The following NRXN3 variants were observed in gnomAD, a reference collection of about 807,000 sequenced individuals.
NRXN3 encodes neurexin 3.
Under a neutral mutation model 137.6 loss-of-function variants are expected in NRXN3, and 32 were observed. The observed-to-expected ratio is 0.23, with a 90% CI of 0.18 to 0.31. NRXN3 has a LOEUF of 0.31. Ranked by LOEUF, NRXN3 falls within the 10% of genes least tolerant of loss-of-function variation. The pLI, the probability that NRXN3 is intolerant of heterozygous loss-of-function variation, is 1.00. For missense variants in NRXN3, 1,574 were observed against 2,062.5 expected (o/e 0.76, Z 4.59); for synonymous variants, 798 against 784.5 (o/e 1.02, Z -0.29).
At chr14:79,735,854 CT>C (rs1028223108) in intron 19 of NRXN3, among the ~76,000 whole-genome samples, 1 of 152,186 alleles carries the variant, frequency 6.6e-6, no homozygotes, top group African/African-American at 2.4e-5. Context: ...CCAGTTCAAG[CT>C]TCCTTCCAAA....
chr14:79,560,701 G>A (rs1484022991), intron 16 of NRXN3, among the ~76,000 whole-genome samples: 1 of 151,494 alleles, frequency 6.6e-6, no homozygotes, highest in Non-Finnish European at 1.5e-5. Flanking sequence ...ACCAGGCCTG[G>A]CTAATTTTTT....
At chr14:79,308,432 G>A (rs905676928) in intron 15 of NRXN3, among the ~76,000 whole-genome samples, 1 of 152,110 alleles carries the variant, frequency 6.6e-6, no homozygotes. Context: ...AGGTCTTAGA[G>A]AGTTAGACTG....
At chr14:78,782,300 T>C (rs981614461) in intron 8 of NRXN3, among the ~76,000 whole-genome samples, 10 of 152,234 alleles carry the variant, frequency 6.6e-5, no homozygotes, top group Non-Finnish European at 1.3e-4. Context: ...ACATTTACCT[T>C]TCATTAAAGA....
At chr14:78,794,899 AC>A (rs1292261026) in intron 8 of NRXN3, among the ~76,000 whole-genome samples, 1 of 149,244 alleles carries the variant, frequency 6.7e-6, no homozygotes, top group African/African-American at 2.5e-5. Context: ...ACATGGCAAA[AC>A]CCTGTCTTTA....
At chr14:78,344,362 A>G (rs1042117938) in intron 4 of NRXN3, among the ~76,000 whole-genome samples, 3 of 152,210 alleles carry the variant, frequency 2.0e-5, no homozygotes, top group Admixed American at 6.5e-5. Flanking sequence ...GTCAGCATTT[A>G]CCTCCAGCAA....
chr14:78,933,674 G>A (rs559377981), intron 10 of NRXN3, among the ~76,000 whole-genome samples: 11 of 152,174 alleles, frequency 7.2e-5, no homozygotes, highest in African/African-American at 1.9e-4. Flanking sequence ...TAACCATTTT[G>A]TTATTGACAC....
chr14:78,413,829 G>A (rs188897233), intron 4 of NRXN3, among the ~76,000 whole-genome samples: 9 of 152,276 alleles, frequency 5.9e-5, no homozygotes, highest in African/African-American at 1.2e-4. Context: ...ATCTGATACG[G>A]CTTAGCTCTG....
At chr14:78,263,685 A>G (rs946440585) in intron 2 of NRXN3, among the ~76,000 whole-genome samples, 2 of 152,284 alleles carry the variant, frequency 1.3e-5, no homozygotes, top group Middle Eastern at 3.4e-3. Flanking sequence ...TCGTGTGCCT[A>G]TCAAATTTTA....
At chr14:79,439,526 C>T (rs1395436471) in intron 15 of NRXN3, among the ~76,000 whole-genome samples, 2 of 152,132 alleles carry the variant, frequency 1.3e-5, no homozygotes, top group African/African-American at 4.8e-5. Flanking sequence ...GTATTATTTT[C>T]AGAAAATCAA....
chr14:78,325,740 G>C (rs138372844), intron 4 of NRXN3, among the ~76,000 whole-genome samples: 1 of 152,076 alleles, frequency 6.6e-6, no homozygotes, highest in Non-Finnish European at 1.5e-5. Flanking sequence ...CCTTGAATGA[G>C]TTGTTTCATC....
At chr14:79,025,515 C>G (rs1050328999) in intron 15 of NRXN3, among the ~76,000 whole-genome samples, 7 of 152,112 alleles carry the variant, frequency 4.6e-5, no homozygotes, top group Non-Finnish European at 1.0e-4. Flanking sequence ...CTAAAAGGGC[C>G]TCCACCTTTT....
At chr14:78,889,930 G>C (rs1226140289) in intron 10 of NRXN3, among the ~76,000 whole-genome samples, 1 of 152,012 alleles carries the variant, frequency 6.6e-6, no homozygotes, top group Non-Finnish European at 1.5e-5. Context: ...CTTTGTAAGA[G>C]ACAGATGAGG....
Position 78,288,182 on chromosome 14 carries a change from G to T in NRXN3, c.727+9520G>T, listed in dbSNP as rs745697775. ...TTTAGTAGAGACAGTGTTTTGCCAT[G>T]TTGGCCAAGCTGGTCTTAAACTCCT... is the stretch of plus-strand genomic sequence containing the variant. On this transcript the variant is annotated intron_variant, in intron 3 of 20. Coordinates refer to ENST00000335750, the MANE Select transcript of NRXN3 (RefSeq NM_001330195.2). 2.8e-4 allele frequency among the ~76,000 whole-genome samples: 42 copies of T among 152,240 alleles called. 1 individual carries two copies. The highest frequency in any genetic ancestry group is 1.2e-3 in the South Asian group (6 of 4,820).
intron 4 of NRXN3, among the ~76,000 whole-genome samples, chr14:78,437,492 G>A (rs1000068760): frequency 6.6e-6 from 1 of 152,112 alleles, no homozygotes; most frequent in East Asian, 1.9e-4. Context: ...GGGATTACAG[G>A]CATGCGCCAT....
chr14:78,464,455 T>C (rs2095036639), intron 4 of NRXN3, among the ~76,000 whole-genome samples: 1 of 152,166 alleles, frequency 6.6e-6, no homozygotes, highest in African/African-American at 2.4e-5. Context: ...CTTAGAATCA[T>C]ATAGGTGAGA....
intron 15 of NRXN3, among the ~76,000 whole-genome samples, chr14:79,048,178 A>G (rs889390493): frequency 2.6e-5 from 4 of 152,230 alleles, no homozygotes; most frequent in Non-Finnish European, 5.9e-5. Flanking sequence ...AGTACATACT[A>G]TATAATTTCA....
chr14:78,938,990 C>T (rs1337447828), intron 10 of NRXN3, among the ~76,000 whole-genome samples: 2 of 151,634 alleles, frequency 1.3e-5, no homozygotes, highest in Admixed American at 6.6e-5. Context: ...GGACTACAGG[C>T]GCCCGCCACC....
intron 15 of NRXN3, among the ~76,000 whole-genome samples, chr14:79,315,200 C>T (rs1432266425): frequency 6.6e-6 from 1 of 152,150 alleles, no homozygotes; most frequent in Admixed American, 6.5e-5. Flanking sequence ...TTATTCAGTC[C>T]ATTAAGACTT....
chr14:79,584,256 G>A (rs2097746232), intron 16 of NRXN3, among the ~76,000 whole-genome samples: 1 of 152,138 alleles, frequency 6.6e-6, no homozygotes, highest in Admixed American at 6.5e-5. Flanking sequence ...ATAAAACCAT[G>A]TCCAGGGGGT....
Sources: gnomAD v4.1 joint callset for allele counts (sites outside exome capture counted in the v4.1 genomes callset) on GRCh38, gnomAD v4.1.1 for gene constraint, MANE v1.5 for transcripts, NCBI Gene and HGNC (gene_info 2026-07-23, HGNC 2026-07-21) for gene names.